GRM4: variants seen among roughly 807,000 people sequenced by gnomAD.
The protein encoded by GRM4 is glutamate metabotropic receptor 4, also known as metabotropic glutamate receptor 4.
In GRM4, 28 loss-of-function variants were observed where a neutral mutation model predicts 81.7. The observed-to-expected ratio is 0.34, with a 90% CI of 0.25 to 0.47. The LOEUF (loss-of-function observed/expected upper bound fraction) is 0.47. GRM4 is among the 20% of genes least tolerant of loss of function. The pLI, the probability that GRM4 is intolerant of heterozygous loss-of-function variation, is 1.00. For missense variants in GRM4, 948 were observed against 1,290.0 expected (o/e 0.73, Z 4.06); for synonymous variants, 488 against 528.8 (o/e 0.92, Z 1.06).
At position 34,137,267 on chromosome 6, in the gene GRM4, G is replaced by T. The variant is rs186719723; in HGVS notation, c.-363-3408C>A. ...TCTCTCCTCTTCTCTGGCTCCACTAGGTTCCTTGGTTCCAGGGGAGGACAG... is the reference window on the plus strand; with the variant it reads ...TCTCTCCTCTTCTCTGGCTCCACTATGTTCCTTGGTTCCAGGGGAGGACAG... On this transcript the variant is annotated intron_variant, in intron 1 of 10. Transcript: ENST00000538487. Among the ~76,000 whole-genome samples the T allele has an allele frequency of 3.6e-3, 553 of 152,274 alleles. 1 individual carries two copies. The highest frequency in any genetic ancestry group is 0.013 in the South Asian group (64 of 4,824).
chr6:34,122,782 AG>A (rs1364592377), intron 2 of GRM4, among the ~76,000 whole-genome samples: 1 of 149,734 alleles, frequency 6.7e-6, no homozygotes, highest in African/African-American at 2.5e-5. Context: ...CACTGGAAGT[AG>A]GGGGGGAAGA....
Position 34,069,647 on chromosome 6 carries a change from A to AGTGTGTGTGTGT in GRM4, c.737-7631_737-7620dup, listed in dbSNP as rs3222082. Reference sequence around the variant, plus strand: ...GGCTTTACAACCCTTGGCAGCCCCCAGTGTGTGTGTGTGTGTGTGTGTGTG... The same window carrying AGTGTGTGTGTGT: ...GGCTTTACAACCCTTGGCAGCCCCCAGTGTGTGTGTGTGTGTGTGTGTGTGTGTGTGTGTGTG... On this transcript the variant is annotated intron_variant, in intron 3 of 10. Coordinates refer to ENST00000538487, the MANE Select transcript of GRM4 (RefSeq NM_000841.4). This position sits in a 1 kb window ranked among gnomAD's most constrained non-coding sequence, Gnocchi z 6.4. 1.5e-3 allele frequency among the ~76,000 whole-genome samples: 214 copies of AGTGTGTGTGTGT among 144,486 alleles called. 1 individual carries two copies. Among genetic ancestry groups the AGTGTGTGTGTGT allele is most frequent in the East Asian group, 7.7e-3 (38 of 4,906 alleles). The allele number at this position is 144,486 out of a possible 152,430, so 94.8% of individuals were successfully genotyped here.
chr6:34,152,743 A>T lies in GRM4; in HGVS notation c.312+2336T>A, dbSNP rs892611104. On this transcript the variant is annotated intron_variant, in intron 1 of 8. Coordinates refer to the GRM4 transcript ENST00000374177. The surrounding 1 kb of genome is among the most constrained non-coding windows in gnomAD (Gnocchi z 4.1). ...TGGGACATCAGAATGAGGGTAGAAA[A>T]GAATCTTTAATTCATCAAACTGAAA... Among the ~76,000 whole-genome samples, 1 of 152,210 alleles carries T rather than the reference A, an allele frequency of 6.6e-6. No individual in the cohort carries two copies. The highest frequency in any genetic ancestry group is 1.5e-5 in the Non-Finnish European group (1 of 68,038).
Position 34,018,817 on chromosome 6 carries a change from G to C in GRM4, c.*4004C>G, listed in dbSNP as rs201298862. The C allele has an allele frequency of 2.0e-5, 3 of 152,278 alleles. No individual in the cohort carries two copies. In the East Asian group the frequency reaches 5.8e-4, roughly 29 times the overall value. 9.4% of individuals were successfully genotyped at this position (152,278 alleles called of 1,614,324 possible). A position where few individuals can be genotyped will look rare whatever the true frequency, so the allele number is the denominator to read the frequency against. On this transcript the variant is annotated 3_prime_UTR_variant, in exon 11 of 11. Coordinates refer to ENST00000538487, the MANE Select transcript of GRM4 (RefSeq NM_000841.4). ...GCCATTTAGTGCTGGGTTGGGGGTG[G>C]GGGTCTGAGCCCTGTGAGGCTCACA...
intron 1 of GRM4, among the ~76,000 whole-genome samples, chr6:34,154,874 A>C (rs1448675410): frequency 1.4e-4 from 21 of 152,162 alleles, no homozygotes; most frequent in Admixed American, 1.3e-3. Flanking sequence ...CGCGCGCCCG[A>C]GCGCGAGCCT....
At chr6:34,028,075 GC>G in intron 10 of GRM4, 44 bp downstream of exon 10, 2 of 1,571,036 alleles carry the variant, frequency 1.3e-6, no homozygotes, top group East Asian at 2.3e-5. Context: ...TGCAAAAGGA[GC>G]GGGGCCTGGG....
rs1458310863 is a variant in GRM4 at position 34,035,153 on chromosome 6, G to A, written c.2442+515C>T. Among the ~76,000 whole-genome samples the A allele has an allele frequency of 1.3e-5, 2 of 152,016 alleles. No homozygotes were observed. The highest frequency in any genetic ancestry group is 2.4e-5 in the African/African-American group (1 of 41,352). On this transcript the variant is annotated intron_variant, in intron 9 of 10. Coordinates refer to ENST00000538487, the MANE Select transcript of GRM4 (RefSeq NM_000841.4). This position sits in a 1 kb window ranked among gnomAD's most constrained non-coding sequence, Gnocchi z 6.6. ...AGGAAGACAGGGTTGAGTAGGGAGA[G>A]AGGTAAGAGAAAGGAGTCTAGAAAA...
intron 6 of GRM4, chr6:34,055,558 GAGATAAC>G (rs1341882323): frequency 6.6e-6 from 1 of 152,218 alleles, no homozygotes; most frequent in Admixed American, 6.5e-5. Context: ...GAGAATACAG[GAGATAAC>G]TCATCATCCT....
At position 34,019,509 on chromosome 6, in the gene GRM4, C is replaced by CA. The variant is rs1763796243; in HGVS notation, c.*3311dup. Reference sequence around the variant, plus strand: ...ATATGCCCGTGCCCAGCCCTCCCCCCAGAAGTTCAGGTCCAGTGTTCTGGA... The same window carrying CA: ...ATATGCCCGTGCCCAGCCCTCCCCCCAAGAAGTTCAGGTCCAGTGTTCTGGA... On this transcript the variant is annotated 3_prime_UTR_variant, in exon 11 of 11. Coordinates refer to ENST00000538487, the MANE Select transcript of GRM4 (RefSeq NM_000841.4). 6.6e-6 allele frequency: 1 copy of CA among 152,102 alleles called. No individual in the cohort carries two copies. Among genetic ancestry groups the CA allele is most frequent in the African/African-American group, 2.4e-5 (1 of 41,310 alleles). The allele number at this position is 152,102 out of a possible 1,614,324, so 9.4% of individuals were successfully genotyped here.
chr6:34,151,091 G>A (rs1771035499), intron 1 of GRM4, among the ~76,000 whole-genome samples: 1 of 152,220 alleles, frequency 6.6e-6, no homozygotes, highest in Non-Finnish European at 1.5e-5. Context: ...GCTGAGGCTG[G>A]GAGGTCAAAG....
chr6:34,036,304 C>T lies in GRM4; in HGVS notation c.1806G>A (p.Thr602=), dbSNP rs764837448. ...LFLAVVGIAA[T]LFVVITFVRY... ...GCACAAAGGTGATCACCACGAACAA[C>T]GTGGCAGCGATGCCCACCACGGCCA... Residue 602 remains threonine (T), a synonymous_variant, in exon 9 of 11, where the codon ACG becomes ACA. Transcript: ENST00000538487. This position sits in a 1 kb window ranked among gnomAD's most constrained non-coding sequence, Gnocchi z 9.0. The T allele has an allele frequency of 5.6e-6, 9 of 1,614,010 alleles. No homozygotes were observed. Among genetic ancestry groups the T allele is most frequent in the East Asian group, 4.5e-5 (2 of 44,890 alleles).
In GRM4 at chr6:34,064,392, A is replaced by C. The variant is rs2127463789; in HGVS notation, c.737-2364T>G. On this transcript the variant is annotated intron_variant, in intron 3 of 10. Transcript: ENST00000538487. The surrounding 1 kb of genome is among the most constrained non-coding windows in gnomAD (Gnocchi z 4.4). ...GTTAAGTAGCTTCCCCAGGATCACA[A>C]AGATAGTCAGGGGAAGAGGTGGGGT... Among the ~76,000 whole-genome samples, 1 of 152,274 alleles carries C rather than the reference A, an allele frequency of 6.6e-6. No homozygotes were observed. Among genetic ancestry groups the C allele is most frequent in the South Asian group, 2.1e-4 (1 of 4,816 alleles).
chr6:34,026,822 G>C (rs913034362), intron 10 of GRM4, among the ~76,000 whole-genome samples: 1 of 152,178 alleles, frequency 6.6e-6, no homozygotes. Flanking sequence ...ATACCCCCTA[G>C]CTCTCAGGAG....
intron 10 of GRM4, 62 bp downstream of exon 10, chr6:34,028,058 C>T (rs966861348): frequency 1.2e-4 from 191 of 1,533,334 alleles, no homozygotes; most frequent in Non-Finnish European, 1.7e-4. Flanking sequence ...GAGCTCAGCC[C>T]ACCTGCTGCA....
intron 1 of GRM4, among the ~76,000 whole-genome samples, chr6:34,137,287 G>T (rs1770499350): frequency 6.6e-6 from 1 of 152,248 alleles, no homozygotes. Context: ...TTCCAGGGGA[G>T]GACAGAGCCA....
At position 34,133,219 on chromosome 6, in the gene GRM4, G is replaced by A. The variant is rs765547076; in HGVS notation, c.278C>T (p.Pro93Leu). The A allele has an allele frequency of 8.7e-6, 14 of 1,614,048 alleles. No individual in the cohort carries two copies. The highest frequency in any genetic ancestry group is 4.5e-5 in the East Asian group (2 of 44,888). The change falls in exon 2 of 11, where the codon CCG (proline) becomes CTG (leucine). Residue 93 changes from proline to leucine, a missense_variant. By Grantham distance (98) the Pro-to-Leu change is moderately conservative (BLOSUM62 -3). Coordinates refer to ENST00000538487, the MANE Select transcript of GRM4 (RefSeq NM_000841.4). The surrounding 1 kb of genome is among the most constrained non-coding windows in gnomAD (Gnocchi z 6.5). ...CAGCGTGATGTTAGGCAGCAGGTCC[G>A]GGTCGTTGTTGATGCGATCCAGGGC... Reference protein sequence around the residue: ...LFALDRINNDPDLLPNITLGA... With the variant: ...LFALDRINNDLDLLPNITLGA...
chr6:34,125,854 C>G (rs1388367864), intron 2 of GRM4, among the ~76,000 whole-genome samples: 9 of 152,248 alleles, frequency 5.9e-5, no homozygotes, highest in Non-Finnish European at 1.3e-4. Flanking sequence ...CTGCCCTCCC[C>G]TCAGGAGAAC....
chr6:34,053,855 A>C (rs1179549520), intron 6 of GRM4, among the ~76,000 whole-genome samples: 1 of 152,172 alleles, frequency 6.6e-6, no homozygotes, highest in Non-Finnish European at 1.5e-5. Context: ...CCAGCCCTAA[A>C]CACACATTAA....
In GRM4 at chr6:34,022,361, G is replaced by C. The variant is rs1056565311; in HGVS notation, c.*460C>G. 9 of 175,268 alleles carry C rather than the reference G, an allele frequency of 5.1e-5. No individual in the cohort carries two copies. Among genetic ancestry groups the C allele is most frequent in the Admixed American group, 3.5e-4 (6 of 17,322 alleles). 10.9% of individuals were successfully genotyped at this position (175,268 alleles called of 1,614,324 possible). A position where few individuals can be genotyped will look rare whatever the true frequency, so the allele number is the denominator to read the frequency against. On this transcript the variant is annotated 3_prime_UTR_variant, in exon 11 of 11. Transcript: ENST00000538487. This position sits in a 1 kb window ranked among gnomAD's most constrained non-coding sequence, Gnocchi z 5.6. ...GGATGAGAGAGAGAGGCGGAGGCAA[G>C]AGCCAGAAAGGAGACACAGAAAAGG...
Sources: gnomAD v4.1 joint callset for allele counts (sites outside exome capture counted in the v4.1 genomes callset) on GRCh38, gnomAD v4.1.1 for gene constraint, Gnocchi (gnomAD v3.1) non-coding constraint, MANE v1.5 for transcripts, NCBI Gene and HGNC (gene_info 2026-07-23, HGNC 2026-07-21) for gene names.